Variants in COMT observed in about 807,000 individuals in gnomAD.
COMT encodes catechol O-methyltransferase.
A neutral mutation model predicts 18.9 loss-of-function variants in COMT; 13 were observed. That is an observed-to-expected ratio of 0.69 (90% confidence interval 0.45 to 1.09). The LOEUF is 1.09. Ranked by LOEUF, COMT falls within the 50% of genes least tolerant of loss-of-function variation. COMT has a pLI of 0.00. For synonymous variants in COMT, 150 were observed against 160.9 expected (o/e 0.93, Z 0.51); for missense variants, 329 against 361.8 (o/e 0.91, Z 0.73).
At chr22:19,956,427 A>G (rs1942066757) in intron 1 of COMT, among the ~76,000 whole-genome samples, 1 of 123,422 alleles carries the variant, frequency 8.1e-6, no homozygotes, top group African/African-American at 3.2e-5. Context: ...CCCAGGCTGG[A>G]GTGCAATGGA....
In COMT at chr22:19,969,828, G is replaced by A. The variant is rs531307859; in HGVS notation, c.*1092G>A. The stretch of plus-strand genomic sequence containing the variant: ...CTCCACCCAGGGCCCTGCCCCAGAC[G>A]CGCAGAGGCCCGACACAAGGGAGAA... On this transcript the variant is annotated 3_prime_UTR_variant, in exon 6 of 6. Transcript: ENST00000361682. The A allele has an allele frequency of 1.4e-5, 14 of 985,134 alleles. No homozygotes were observed. The highest frequency in any genetic ancestry group is 4.7e-5 in the South Asian group (1 of 21,290). The allele number at this position is 985,134 out of a possible 1,614,324, so 61.0% of individuals were successfully genotyped here. A position where few individuals can be genotyped will look rare whatever the true frequency, so the allele number is the denominator to read the frequency against.
At chr22:19,962,927 T>C in intron 3 of COMT, 112 bp downstream of exon 3, 1 of 1,371,624 alleles carries the variant, frequency 7.3e-7, no homozygotes, top group Non-Finnish European at 9.9e-7. Flanking sequence ...CTGGGAACCC[T>C]GGGATATGCC....
chr22:19,968,438 T>C (rs13055002), intron 5 of COMT, 98 bp from the exon 6 acceptor site: 18,317 of 1,178,394 alleles, frequency 0.016, 189 homozygotes, highest in Non-Finnish European at 0.018. Context: ...GGCACAGGCG[T>C]GGTGCCGTGG....
In COMT at chr22:19,964,238, T is replaced by A; in HGVS notation, c.554T>A (p.Leu185Gln). Residue 185 changes from leucine to glutamine, a missense_variant, in exon 5 of 6, where the codon CTG becomes CAG. Leu to Gln is a moderately radical substitution (Grantham distance 113). Coordinates refer to ENST00000361682, the MANE Select transcript of COMT (RefSeq NM_000754.4). Reference sequence around the variant, plus strand: ...AAGAAGAAGTATGATGTGGACACACTGGACATGGTCTTCCTCGACCACTGG... The same window carrying A: ...AAGAAGAAGTATGATGTGGACACACAGGACATGGTCTTCCTCGACCACTGG... ...QLKKKYDVDT[L>Q]DMVFLDHWKD... The A allele has an allele frequency of 3.1e-6, 5 of 1,614,120 alleles. No individual in the cohort carries two copies. The highest frequency in any genetic ancestry group is 4.2e-6 in the Non-Finnish European group (5 of 1,180,030).
At chr22:19,966,963 C>G (rs887757433) in intron 5 of COMT, 1 of 985,306 alleles carries the variant, frequency 1.0e-6, no homozygotes, top group African/African-American at 1.7e-5. Context: ...CCTGCTCAGA[C>G]GCTGATGCAT....
intron 1 of COMT, among the ~76,000 whole-genome samples, chr22:19,954,597 C>T (rs1048730546): frequency 1.3e-5 from 2 of 152,160 alleles, no homozygotes; most frequent in Non-Finnish European, 2.9e-5. Flanking sequence ...GGATTACAGG[C>T]ATGCATCACC....
intron 3 of COMT, 96 bp downstream of exon 3, chr22:19,962,911 A>C (rs1486894404): frequency 6.9e-7 from 1 of 1,453,156 alleles, no homozygotes; most frequent in African/African-American, 1.4e-5. Context: ...CCCCATTTCC[A>C]GGGGGCTGGG....
At chr22:19,944,562 C>A (rs959616284) in intron 1 of COMT, among the ~76,000 whole-genome samples, 17 of 148,622 alleles carry the variant, frequency 1.1e-4, no homozygotes, top group African/African-American at 4.2e-4. Context: ...CGGTGGCTCA[C>A]GCCTGTAATC....
intron 1 of COMT, among the ~76,000 whole-genome samples, chr22:19,949,755 G>A (rs753529944): frequency 9.2e-5 from 14 of 151,998 alleles, no homozygotes; most frequent in Non-Finnish European, 1.8e-4. Flanking sequence ...GAGTCACCAC[G>A]CCCGGCCATA....
intron 5 of COMT, chr22:19,964,505 T>A: frequency 2.6e-6 from 2 of 765,034 alleles, no homozygotes; most frequent in Non-Finnish European, 4.4e-6. Context: ...GCCAGGGGCC[T>A]GGCTGGGTGG....
intron 1 of COMT, among the ~76,000 whole-genome samples, chr22:19,959,643 G>T (rs1425129009): frequency 6.6e-6 from 1 of 152,148 alleles, no homozygotes; most frequent in Non-Finnish European, 1.5e-5. Context: ...TCTGCTCAGG[G>T]CTTCAGTTCA....
chr22:19,963,625 G>T lies in COMT; in HGVS notation c.349G>T (p.Ala117Ser), dbSNP rs768889221. The T allele has an allele frequency of 1.2e-6, 2 of 1,612,992 alleles. No individual in the cohort carries two copies. The highest frequency in any genetic ancestry group is 1.7e-6 in the Non-Finnish European group (2 of 1,180,020). Residue 117 changes from alanine to serine, a missense_variant, in exon 4 of 6, where the codon GCC becomes TCC. By Grantham distance (99) the Ala-to-Ser change is moderately conservative (BLOSUM62 1). Transcript: ENST00000361682. ...HQPSVLLELG[A>S]YCGYSAVRMA... ...GCCCTCCGTGCTGCTGGAGCTGGGG[G>T]CCTACTGTGGCTACTCAGCTGTGCG...
intron 1 of COMT, among the ~76,000 whole-genome samples, chr22:19,945,166 C>A (rs952538344): frequency 2.4e-4 from 37 of 152,210 alleles, no homozygotes; most frequent in Non-Finnish European, 5.0e-4. Flanking sequence ...AACCAGACTT[C>A]ACCTGCAGTG....
intron 2 of COMT, chr22:19,962,274 G>A (rs966468116): frequency 3.4e-6 from 2 of 590,410 alleles, no homozygotes; most frequent in Admixed American, 3.0e-5. Flanking sequence ...GGGCCAGGGA[G>A]TGTGACCCTG....
intron 1 of COMT, among the ~76,000 whole-genome samples, chr22:19,958,414 C>G (rs932325452): frequency 1.3e-5 from 2 of 151,908 alleles, no homozygotes; most frequent in Non-Finnish European, 2.9e-5. Flanking sequence ...ATCCTCCCAT[C>G]CCAACCTCCC....
At chr22:19,954,602 A>T (rs888759710) in intron 1 of COMT, among the ~76,000 whole-genome samples, 11 of 152,058 alleles carry the variant, frequency 7.2e-5, no homozygotes, top group Non-Finnish European at 1.5e-4. Context: ...ACAGGCATGC[A>T]TCACCATGTC....
In COMT at chr22:19,968,945, A is replaced by G; in HGVS notation, c.*209A>G. ...ACTCAATCATGACTTCTTTACTAAC[A>G]CTGGCTAGCTATATTATCTTATATA... On this transcript the variant is annotated 3_prime_UTR_variant, in exon 6 of 6. Coordinates refer to ENST00000361682, the MANE Select transcript of COMT (RefSeq NM_000754.4). The G allele has an allele frequency of 1.7e-6, 1 of 573,528 alleles. No homozygotes were observed. Among genetic ancestry groups the G allele is most frequent in the East Asian group, 3.0e-5 (1 of 33,518 alleles). The allele number at this position is 573,528 out of a possible 1,614,324, so 35.5% of individuals were successfully genotyped here. A position where few individuals can be genotyped will look rare whatever the true frequency, so the allele number is the denominator to read the frequency against.
intron 1 of COMT, among the ~76,000 whole-genome samples, chr22:19,959,655 ACTCACAAGG>A (rs1942146971): frequency 6.6e-6 from 1 of 151,126 alleles, no homozygotes; most frequent in South Asian, 2.1e-4. Context: ...TTCAGTTCAC[ACTCACAAGG>A]GAATCCCAGC....
intron 3 of COMT, chr22:19,963,240 T>G (rs740601): frequency 0.39 from 193,859 of 502,898 alleles, 38,198 homozygotes; most frequent in Middle Eastern, 0.44. Flanking sequence ...GGCGGTTCGG[T>G]GATTCAGAGA....
Sources: gnomAD v4.1 joint callset for allele counts (sites outside exome capture counted in the v4.1 genomes callset) on GRCh38, gnomAD v4.1.1 for gene constraint, MANE v1.5 for transcripts, NCBI Gene and HGNC (gene_info 2026-07-23, HGNC 2026-07-21) for gene names.